The following ALCAM variants were observed in gnomAD, a reference collection of about 807,000 sequenced individuals.
The protein encoded by ALCAM is activated leukocyte cell adhesion molecule, also known as CD166 antigen.
Under a neutral mutation model 70.9 loss-of-function variants are expected in ALCAM, and 30 were observed. That is an observed-to-expected ratio of 0.42 (90% CI 0.32 to 0.57). The LOEUF (loss-of-function observed/expected upper bound fraction) is 0.57, where lower values mean the gene tolerates loss of function less well. ALCAM is among the 20% of genes least tolerant of loss of function. The pLI is 0.11. For synonymous variants in ALCAM, 249 were observed against 242.5 expected, an observed-to-expected ratio of 1.03 and a Z score of -0.25; for missense variants, 591 against 695.1, an observed-to-expected ratio of 0.85 and a Z score of 1.68.
chr3:105,520,005 A>G, intron 1 of ALCAM, 62 bp from the exon 2 acceptor site: 1 of 1,062,370 alleles, frequency 9.4e-7, no homozygotes, highest in Non-Finnish European at 1.4e-6. Flanking sequence ...ATTTCAAGAA[A>G]GCATTTAAAA....
intron 1 of ALCAM, among the ~76,000 whole-genome samples, chr3:105,443,362 T>C (rs1406188987): frequency 6.6e-6 from 1 of 152,180 alleles, no homozygotes; most frequent in Non-Finnish European, 1.5e-5. Flanking sequence ...TTCATTTCCA[T>C]TGTGTTGAAA....
chr3:105,530,497 C>G (rs781178720), intron 3 of ALCAM, among the ~76,000 whole-genome samples: 1 of 151,856 alleles, frequency 6.6e-6, no homozygotes, highest in Non-Finnish European at 1.5e-5. Flanking sequence ...TCAAGTGTCA[C>G]TTCTAGTTTG....
At chr3:105,571,488 A>G (rs953648875) in intron 14 of ALCAM, among the ~76,000 whole-genome samples, 2 of 152,236 alleles carry the variant, frequency 1.3e-5, no homozygotes, top group Non-Finnish European at 2.9e-5. Flanking sequence ...GTCCTTAAGA[A>G]AATTTTTTTG....
intron 1 of ALCAM, among the ~76,000 whole-genome samples, chr3:105,422,041 C>A (rs1936664376): frequency 6.6e-6 from 1 of 151,314 alleles, no homozygotes; most frequent in Non-Finnish European, 1.5e-5. Flanking sequence ...ACTCTGTATG[C>A]TTTTGCATAC....
chr3:105,513,220 T>C (rs1294768822), intron 1 of ALCAM: 1 of 151,788 alleles, frequency 6.6e-6, no homozygotes, highest in African/African-American at 2.4e-5. Flanking sequence ...AAAATACTCA[T>C]CATTTAGGAA....
chr3:105,461,065 G>A (rs1937597255), intron 1 of ALCAM, among the ~76,000 whole-genome samples: 1 of 151,274 alleles, frequency 6.6e-6, no homozygotes, highest in Non-Finnish European at 1.5e-5. Context: ...GTATTACTAT[G>A]AAGTATAATA....
At chr3:105,541,559 C>T (rs1417148907) in intron 7 of ALCAM, 74 bp from the exon 8 acceptor site, 1 of 1,481,228 alleles carries the variant, frequency 6.8e-7, no homozygotes, top group African/African-American at 1.4e-5. Context: ...AAAATGCTAT[C>T]TTCATCAAGA....
chr3:105,548,849 C>A (rs1270900244), intron 11 of ALCAM, among the ~76,000 whole-genome samples: 1 of 151,354 alleles, frequency 6.6e-6, no homozygotes, highest in Non-Finnish European at 1.5e-5. Context: ...ATGGTGGTTT[C>A]TTTTCTACTC....
intron 1 of ALCAM, among the ~76,000 whole-genome samples, chr3:105,456,355 C>T (rs1937535606): frequency 6.6e-6 from 1 of 152,150 alleles, no homozygotes. Context: ...ATCAGAATGG[C>T]TTCAAAAGTT....
intron 1 of ALCAM, among the ~76,000 whole-genome samples, chr3:105,419,688 G>A (rs1936596129): frequency 6.6e-6 from 1 of 151,808 alleles, no homozygotes; most frequent in Admixed American, 6.6e-5. Flanking sequence ...AGACTAGAAA[G>A]TATTAGTTGT....
At chr3:105,553,594 C>A (rs1443031889) in intron 14 of ALCAM, among the ~76,000 whole-genome samples, 1 of 151,820 alleles carries the variant, frequency 6.6e-6, no homozygotes, top group African/African-American at 2.4e-5. Context: ...CATGATCTCA[C>A]CTTGTAAAGA....
chr3:105,544,967 A>C, intron 8 of ALCAM: 1 of 384,748 alleles, frequency 2.6e-6, no homozygotes, highest in East Asian at 6.0e-5. Flanking sequence ...ATCCCCTCAA[A>C]ATATCAATCA....
chr3:105,368,223 A>AAGAGAGAGAGAGG (rs1935123067), intron 1 of ALCAM, among the ~76,000 whole-genome samples: 1 of 67,790 alleles, frequency 1.5e-5, no homozygotes, highest in Admixed American at 2.1e-4. Context: ...TGAGTCTTGG[A>AAGAGAGAGAGAGG]AGAGAGAGAG....
At chr3:105,405,356 AC>A (rs1936201344) in intron 1 of ALCAM, among the ~76,000 whole-genome samples, 1 of 151,240 alleles carries the variant, frequency 6.6e-6, no homozygotes, top group Non-Finnish European at 1.5e-5. Context: ...ACAGGAAAAT[AC>A]CCCAATTCTA....
At chr3:105,510,338 G>A (rs1462789087) in intron 1 of ALCAM, among the ~76,000 whole-genome samples, 1 of 151,990 alleles carries the variant, frequency 6.6e-6, no homozygotes, top group African/African-American at 2.4e-5. Flanking sequence ...AAACTTGCCT[G>A]TCTTAGTATA....
chr3:105,432,918 A>G (rs13087997), intron 1 of ALCAM, among the ~76,000 whole-genome samples: 1,964 of 152,260 alleles, frequency 0.013, 22 homozygotes, highest in Non-Finnish European at 0.02. Flanking sequence ...ACAGGAGCAT[A>G]TATTAACCAG....
At chr3:105,534,063 C>T (rs1939909967) in intron 5 of ALCAM, among the ~76,000 whole-genome samples, 1 of 152,068 alleles carries the variant, frequency 6.6e-6, no homozygotes, top group South Asian at 2.1e-4. Context: ...AGTATGCAAC[C>T]TAGATCCCTC....
chr3:105,404,161 T>C (rs918044198), intron 1 of ALCAM, among the ~76,000 whole-genome samples: 15 of 152,146 alleles, frequency 9.9e-5, no homozygotes, highest in African/African-American at 3.4e-4. Flanking sequence ...ATTGAAAACA[T>C]ATTTGAGGGA....
intron 1 of ALCAM, among the ~76,000 whole-genome samples, chr3:105,406,672 GAAGAA>G (rs1936239730): frequency 6.7e-6 from 1 of 149,772 alleles, no homozygotes; most frequent in South Asian, 2.2e-4. Context: ...AAACTCAGCC[GAAGAA>G]AAGAAATAAC....
Sources: gnomAD v4.1 joint callset for allele counts (sites outside exome capture counted in the v4.1 genomes callset) on GRCh38, gnomAD v4.1.1 for gene constraint, MANE v1.5 for transcripts, NCBI Gene and HGNC (gene_info 2026-07-23, HGNC 2026-07-21) for gene names.